The following DISC1 variants were observed in gnomAD, a reference collection of about 807,000 sequenced individuals.
The protein encoded by DISC1 is disrupted in schizophrenia 1 protein.
Under a neutral mutation model 84.5 loss-of-function variants are expected in DISC1, and 57 were observed. That is an observed-to-expected ratio of 0.67 (90% CI 0.55 to 0.84). The LOEUF (loss-of-function observed/expected upper bound fraction) is 0.84. Ranked by LOEUF, DISC1 falls within the 40% of genes least tolerant of loss-of-function variation. The pLI is 0.00. For missense variants in DISC1, 1,000 were observed against 1,057.8 expected (o/e 0.95, Z 0.76); for synonymous variants, 411 against 415.2 (o/e 0.99, Z 0.12).
At chr1:231,798,814 A>G (rs1226521547) in intron 7 of DISC1, among the ~76,000 whole-genome samples, 1 of 152,190 alleles carries the variant, frequency 6.6e-6, no homozygotes, top group Admixed American at 6.6e-5. Flanking sequence ...AATTACAGCC[A>G]CTGAATAGAA....
intron 9 of DISC1, among the ~76,000 whole-genome samples, chr1:231,909,181 G>T (rs1275860328): frequency 7.1e-6 from 1 of 140,268 alleles, no homozygotes; most frequent in Non-Finnish European, 1.6e-5. Flanking sequence ...CTGCCTGATT[G>T]CCCTGGCCAG....
chr1:231,665,338 A>C (rs1387473120), intron 1 of DISC1, among the ~76,000 whole-genome samples: 1 of 152,184 alleles, frequency 6.6e-6, no homozygotes, highest in Non-Finnish European at 1.5e-5. Context: ...AATACTATAA[A>C]CTTTGAGTAA....
At chr1:231,969,331 T>C (rs1054969460) in intron 10 of DISC1, among the ~76,000 whole-genome samples, 22 of 152,108 alleles carry the variant, frequency 1.4e-4, no homozygotes, top group African/African-American at 5.1e-4. Flanking sequence ...CAGTGGTTCC[T>C]ACAGTCAAGT....
chr1:232,005,042 ATCCT>A (rs1209799313), intron 10 of DISC1, among the ~76,000 whole-genome samples: 15 of 51,414 alleles, frequency 2.9e-4, no homozygotes, highest in Middle Eastern at 0.019. Context: ...CCCTCCCTCC[ATCCT>A]TCCTTCCTTC....
Position 232,038,655 on chromosome 1 carries a change from G to A in DISC1, c.*1824G>A, listed in dbSNP as rs1670660705. 1 of 152,044 alleles carries A rather than the reference G, an allele frequency of 6.6e-6. No homozygotes were observed. Among genetic ancestry groups the A allele is most frequent in the Non-Finnish European group, 1.5e-5 (1 of 68,010 alleles). 9.4% of individuals were successfully genotyped at this position (152,044 alleles called of 1,614,324 possible). A position where few individuals can be genotyped will look rare whatever the true frequency, so the allele number is the denominator to read the frequency against. On this transcript the variant is annotated 3_prime_UTR_variant, in exon 13 of 13. Transcript: ENST00000439617. ...CACTGCATTCTCTGAGGAAGTCCCA[G>A]TCCAAACTCTGATTTACATCACTTT...
chr1:231,795,876 G>T (rs932635065), intron 7 of DISC1, among the ~76,000 whole-genome samples: 3 of 152,040 alleles, frequency 2.0e-5, no homozygotes, highest in East Asian at 3.9e-4. Flanking sequence ...GAGACAGAGC[G>T]AGACTCTATC....
intron 3 of DISC1, among the ~76,000 whole-genome samples, chr1:231,738,495 C>T (rs1175611793): frequency 6.6e-6 from 1 of 152,168 alleles, no homozygotes; most frequent in Non-Finnish European, 1.5e-5. Context: ...TTCCTCATGA[C>T]CGGGTTCAGG....
chr1:231,695,878 T>C (rs2065625730), intron 2 of DISC1, among the ~76,000 whole-genome samples: 1 of 152,166 alleles, frequency 6.6e-6, no homozygotes, highest in African/African-American at 2.4e-5. Context: ...CTGTCCCTGT[T>C]TGCCCTGTTT....
intron 1 of DISC1, among the ~76,000 whole-genome samples, chr1:231,631,787 G>T (rs2125091981): frequency 6.6e-6 from 1 of 151,864 alleles, no homozygotes; most frequent in East Asian, 1.9e-4. Flanking sequence ...AAAAGTTATG[G>T]TACGCTAAAG....
intron 9 of DISC1, among the ~76,000 whole-genome samples, chr1:231,853,637 C>T (rs891975991): frequency 5.9e-5 from 9 of 152,170 alleles, no homozygotes; most frequent in Admixed American, 3.9e-4. Flanking sequence ...GGAATGGGAA[C>T]AGGTACTGGC....
chr1:231,748,190 A>G (rs1235691491), intron 3 of DISC1, among the ~76,000 whole-genome samples: 1 of 152,184 alleles, frequency 6.6e-6, no homozygotes, highest in Non-Finnish European at 1.5e-5. Flanking sequence ...AATAGGGACA[A>G]TTTAACTTCT....
At chr1:231,969,490 A>G (rs1052758946) in intron 10 of DISC1, among the ~76,000 whole-genome samples, 1 of 151,976 alleles carries the variant, frequency 6.6e-6, no homozygotes, top group Non-Finnish European at 1.5e-5. Context: ...GGGAGCTCCA[A>G]GGCCCCTCCT....
At chr1:231,687,613 C>T (rs1009640226) in intron 1 of DISC1, among the ~76,000 whole-genome samples, 1 of 152,200 alleles carries the variant, frequency 6.6e-6, no homozygotes, top group African/African-American at 2.4e-5. Context: ...TTATATCACG[C>T]ATGTGTGCTC....
intron 9 of DISC1, among the ~76,000 whole-genome samples, chr1:231,855,696 G>A (rs577236590): frequency 6.6e-6 from 1 of 152,258 alleles, no homozygotes; most frequent in East Asian, 1.9e-4. Context: ...ATGACTTTAA[G>A]GGTGATTATA....
At chr1:231,914,072 C>T (rs569751332) in intron 9 of DISC1, among the ~76,000 whole-genome samples, 37 of 152,308 alleles carry the variant, frequency 2.4e-4, no homozygotes, top group Middle Eastern at 6.8e-3. Context: ...GCTGGCATGG[C>T]GAGTCCCTGA....
chr1:231,651,614 C>T (rs1461071944), intron 1 of DISC1, among the ~76,000 whole-genome samples: 1 of 152,260 alleles, frequency 6.6e-6, no homozygotes, highest in African/African-American at 2.4e-5. Flanking sequence ...CCACTGCTCT[C>T]TTCAGAGCTG....
chr1:231,995,675 A>G (rs1158936007), intron 10 of DISC1, among the ~76,000 whole-genome samples: 1 of 151,718 alleles, frequency 6.6e-6, no homozygotes, highest in Non-Finnish European at 1.5e-5. Flanking sequence ...TGAACTCATC[A>G]TTTTTTATGG....
chr1:231,808,300 C>T (rs1450218971), intron 8 of DISC1, among the ~76,000 whole-genome samples: 3 of 152,198 alleles, frequency 2.0e-5, no homozygotes, highest in Non-Finnish European at 4.4e-5. Context: ...CTGCCCTGCT[C>T]ACTGCTGGCA....
rs16855208 is a variant in DISC1, at chr1:231,845,663, G to A, written c.1981+27146G>A. Among the ~76,000 whole-genome samples, 1,315 of 152,230 alleles carry A rather than the reference G, an allele frequency of 8.6e-3. 15 individuals are homozygous for A. Among genetic ancestry groups the A allele is most frequent in the African/African-American group, 0.03 (1,242 of 41,504 alleles). On this transcript the variant is annotated intron_variant, in intron 9 of 12. Transcript: ENST00000439617. ...GTAGAGGAGAAAGGCAACTGGGTTC[G>A]GGAGCCGAACGGAGTGGCAGGAAGG...
Sources: gnomAD v4.1 joint callset for allele counts (sites outside exome capture counted in the v4.1 genomes callset) on GRCh38, gnomAD v4.1.1 for gene constraint, MANE v1.5 for transcripts, NCBI Gene and HGNC (gene_info 2026-07-23, HGNC 2026-07-21) for gene names.